Variants in CAMLG observed in about 807,000 individuals in gnomAD.
CAMLG encodes guided entry of tail-anchored proteins factor CAMLG.
Under a neutral mutation model 28.9 loss-of-function variants are expected in CAMLG, and 23 were observed. That is an observed-to-expected ratio of 0.80 (90% CI 0.57 to 1.13). The LOEUF (loss-of-function observed/expected upper bound fraction) is 1.13. Ranked by LOEUF, CAMLG falls within the 50% of genes most tolerant of loss-of-function variation. The probability of loss-of-function intolerance (pLI) is 0.00; values close to 1 mark genes in which losing one functional copy is unlikely to be tolerated. For synonymous variants in CAMLG, 141 were observed against 146.5 expected, an observed-to-expected ratio of 0.96 and a Z score of 0.27; for missense variants, 367 against 371.9, an observed-to-expected ratio of 0.99 and a Z score of 0.11.
chr5:134,749,072 T>G (rs1158646541), intron 3 of CAMLG, among the ~76,000 whole-genome samples: 10 of 141,216 alleles, frequency 7.1e-5, no homozygotes, highest in South Asian at 4.5e-4. Flanking sequence ...AACTATAGGG[T>G]TTTTTTTTTT....
chr5:134,738,921 C>T, intron 1 of CAMLG, 129 bp downstream of exon 1: 1 of 905,052 alleles, frequency 1.1e-6, no homozygotes, highest in Non-Finnish European at 1.7e-6. Context: ...CTCTCTGTCC[C>T]GCCCCTTCGG....
intron 3 of CAMLG, among the ~76,000 whole-genome samples, chr5:134,747,916 C>T (rs1252165888): frequency 6.7e-6 from 1 of 150,152 alleles, no homozygotes; most frequent in Admixed American, 6.7e-5. Context: ...GGCTGGAGTG[C>T]AGTGGCGAGA....
chr5:134,745,037 ATTTTAATGGAT>A (rs750390572), intron 3 of CAMLG, among the ~76,000 whole-genome samples: 3 of 152,244 alleles, frequency 2.0e-5, no homozygotes, highest in Non-Finnish European at 4.4e-5. Context: ...CCTGTGTATG[ATTTTAATGGAT>A]TTGAAGCATT....
intron 3 of CAMLG, among the ~76,000 whole-genome samples, chr5:134,744,527 C>CAAAAA (rs751658223): frequency 4.8e-3 from 288 of 60,580 alleles, no homozygotes; most frequent in African/African-American, 0.014. Context: ...ACTCTGTCTC[C>CAAAAA]AAAAAAAAAA....
In CAMLG at chr5:134,741,369, A is replaced by G; in HGVS notation, c.479A>G (p.Glu160Gly). 1.2e-6 allele frequency: 2 copies of G among 1,614,228 alleles called. No homozygotes were observed. The change falls in exon 2 of 4, where the codon GAA becomes GGA. Residue 160 changes from glutamate (E) to glycine (G), a missense_variant. Glu to Gly is a moderately conservative substitution (Grantham distance 98). Coordinates refer to ENST00000297156, the MANE Select transcript of CAMLG (RefSeq NM_001745.4). ...HGLEQYLSRF[E>G]EAMKLRKQLI... is the part of the protein sequence containing the mutation. ...CTAGAGCAGTACCTTTCCAGATTCG[A>G]AGAAGCAATGAAGCTAAGGAAACAG...
chr5:134,738,906 AT>A, intron 1 of CAMLG, 114 bp downstream of exon 1: 2 of 1,031,072 alleles, frequency 1.9e-6, no homozygotes, highest in Non-Finnish European at 2.9e-6. Flanking sequence ...TTGCTCTTTG[AT>A]TTCCTCTCTG....
intron 3 of CAMLG, among the ~76,000 whole-genome samples, chr5:134,744,527 C>CAAAA (rs751658223): frequency 0.016 from 987 of 60,580 alleles, 27 homozygotes; most frequent in African/African-American, 0.049. Context: ...ACTCTGTCTC[C>CAAAA]AAAAAAAAAA....
At chr5:134,743,307 T>C (rs1753006216) in intron 2 of CAMLG, among the ~76,000 whole-genome samples, 1 of 152,284 alleles carries the variant, frequency 6.6e-6, no homozygotes, top group Non-Finnish European at 1.5e-5. Flanking sequence ...AAAAGATAAG[T>C]TTTTATGAGA....
Position 134,741,059 on chromosome 5 carries a change from T to G in CAMLG, c.173-4T>G, listed in dbSNP as rs773163646. On this transcript the variant is annotated splice_polypyrimidine_tract_variant and splice_region_variant and intron_variant, in intron 1 of 3. Transcript: ENST00000297156. ...ACATAAGGCTTTTACATTTCTTTTCTCAGAAGAAGAAAGTCAAACAAAATC... is the reference window on the plus strand; with the variant it reads ...ACATAAGGCTTTTACATTTCTTTTCGCAGAAGAAGAAAGTCAAACAAAATC... 2 of 1,600,142 alleles carry G rather than the reference T, an allele frequency of 1.2e-6. No homozygotes were observed. The highest frequency in any genetic ancestry group is 4.5e-5 in the East Asian group (2 of 44,720).
At chr5:134,750,708 A>C in intron 3 of CAMLG, 51 bp from the exon 4 acceptor site, 1 of 1,304,852 alleles carries the variant, frequency 7.7e-7, no homozygotes, top group Non-Finnish European at 1.1e-6. Context: ...TATAGAGCTT[A>C]ATGTAGCCTG....
chr5:134,747,378 GGCTT>G (rs1753061523), intron 3 of CAMLG, among the ~76,000 whole-genome samples: 1 of 151,256 alleles, frequency 6.6e-6, no homozygotes, highest in Non-Finnish European at 1.5e-5. Flanking sequence ...TTTGAGACGA[GGCTT>G]GCTCTGTCAC....
intron 3 of CAMLG, among the ~76,000 whole-genome samples, chr5:134,745,937 G>A (rs994722076): frequency 4.0e-4 from 60 of 151,426 alleles, no homozygotes; most frequent in Non-Finnish European, 8.2e-4. Flanking sequence ...TCGGGATTTC[G>A]AGACCAGCCT....
At chr5:134,748,931 C>T (rs1343740126) in intron 3 of CAMLG, among the ~76,000 whole-genome samples, 1 of 151,990 alleles carries the variant, frequency 6.6e-6, no homozygotes, top group African/African-American at 2.4e-5. Flanking sequence ...CATTGTATGA[C>T]TATATCCATT....
chr5:134,739,980 A>G (rs1752963824), intron 1 of CAMLG, among the ~76,000 whole-genome samples: 1 of 152,084 alleles, frequency 6.6e-6, no homozygotes, highest in African/African-American at 2.4e-5. Context: ...GGCTTAAGCA[A>G]TCCTGCTACC....
chr5:134,741,509 G>A lies in CAMLG; in HGVS notation c.619G>A (p.Val207Ile), dbSNP rs753832035. The A allele has an allele frequency of 6.3e-7, 1 of 1,598,642 alleles. No homozygotes were observed. The highest frequency in any genetic ancestry group is 1.1e-5 in the South Asian group (1 of 90,266). ...TCTTGCTCTTGGAGTCAGAGCTTTTGTTTGCAAATACTTGGTAAGAAAAGA... is the reference window on the plus strand; with the variant it reads ...TCTTGCTCTTGGAGTCAGAGCTTTTATTTGCAAATACTTGGTAAGAAAAGA... ...ALLALGVRAF[V>I]CKYLSIFAPF... Residue 207 changes from valine (V) to isoleucine (I), a missense_variant, in exon 2 of 4, where the codon GTT (valine) becomes ATT (isoleucine). By Grantham distance (29) the Val-to-Ile change is conservative. Coordinates refer to ENST00000297156, the MANE Select transcript of CAMLG (RefSeq NM_001745.4).
rs555805656 is a variant in CAMLG, at chr5:134,750,937, C to G, written c.878C>G (p.Ser293Cys). ...FCHELLDYWG[S>C]EVP is the part of the protein sequence containing the mutation. ...CATGAACTGCTTGATTATTGGGGCTCTGAAGTACCATGAAGCCTGTAGAAC... is the reference window on the plus strand; with the variant it reads ...CATGAACTGCTTGATTATTGGGGCTGTGAAGTACCATGAAGCCTGTAGAAC... Residue 293 changes from serine to cysteine, a missense_variant, in exon 4 of 4, where the codon TCT becomes TGT. Ser to Cys is a moderately radical substitution (Grantham distance 112, BLOSUM62 -1). Coordinates refer to ENST00000297156, the MANE Select transcript of CAMLG (RefSeq NM_001745.4). 43 of 1,611,520 alleles carry G rather than the reference C, an allele frequency of 2.7e-5. No homozygotes were observed. The South Asian group carries it at 4.1e-4, about 15-fold the overall frequency.
chr5:134,738,856 C>T (rs1242679875), intron 1 of CAMLG, 64 bp downstream of exon 1: 3 of 1,473,412 alleles, frequency 2.0e-6, no homozygotes, highest in South Asian at 1.1e-5. Context: ...GTCATTCTTC[C>T]CTCTCCCACC....
At chr5:134,745,704 G>A (rs1464444352) in intron 3 of CAMLG, among the ~76,000 whole-genome samples, 1 of 150,172 alleles carries the variant, frequency 6.7e-6, no homozygotes, top group Non-Finnish European at 1.5e-5. Flanking sequence ...AGTGAGCCCA[G>A]ACTGTGCCAT....
intron 2 of CAMLG, among the ~76,000 whole-genome samples, chr5:134,743,220 C>G (rs1046071163): frequency 6.6e-6 from 1 of 152,110 alleles, no homozygotes; most frequent in Non-Finnish European, 1.5e-5. Flanking sequence ...AATTAATTCC[C>G]TCTGGGTGAC....
Sources: allele counts gnomAD v4.1 joint callset (sites outside exome capture counted in the v4.1 genomes callset), GRCh38; gene constraint gnomAD v4.1.1; transcripts MANE v1.5; gene names NCBI Gene and HGNC (gene_info 2026-07-23, HGNC 2026-07-21).